DNER: variants seen among roughly 807,000 people sequenced by gnomAD.
DNER encodes the protein delta/notch like EGF repeat containing.
A neutral mutation model predicts 78.2 loss-of-function variants in DNER; 33 were observed. The ratio of observed to expected loss-of-function variants is 0.42; its 90% confidence interval spans 0.32 to 0.56. The LOEUF (loss-of-function observed/expected upper bound fraction) is 0.56, where lower values mean the gene tolerates loss of function less well. Ranked by LOEUF, DNER falls within the 20% of genes least tolerant of loss-of-function variation. DNER has a pLI of 0.11. For missense variants in DNER, 918 were observed against 975.3 expected, an observed-to-expected ratio of 0.94 and a Z score of 0.78; for synonymous variants, 417 against 384.8, an observed-to-expected ratio of 1.08 and a Z score of -0.98.
At chr2:229,377,103 A>C (rs946448936) in intron 11 of DNER, among the ~76,000 whole-genome samples, 1 of 152,174 alleles carries the variant, frequency 6.6e-6, no homozygotes, top group East Asian at 1.9e-4. Context: ...ACCTGCCCTC[A>C]GATTACAAGC....
intron 5 of DNER, among the ~76,000 whole-genome samples, chr2:229,544,105 CTCT>C (rs1304168530): frequency 6.6e-6 from 1 of 152,126 alleles, no homozygotes; most frequent in East Asian, 1.9e-4. Flanking sequence ...CCTTAGCCTC[CTCT>C]TCTTTTCTCC....
At chr2:229,526,021 AG>A (rs1449701146) in intron 5 of DNER, among the ~76,000 whole-genome samples, 1 of 152,222 alleles carries the variant, frequency 6.6e-6, no homozygotes, top group African/African-American at 2.4e-5. Flanking sequence ...ATTGAACAAA[AG>A]GCAGGTTAGA....
At chr2:229,477,338 G>C in intron 6 of DNER, 85 bp from the exon 7 acceptor site, 1 of 922,002 alleles carries the variant, frequency 1.1e-6, no homozygotes, top group Non-Finnish European at 1.6e-6. Context: ...GATTCAACTG[G>C]TACCTGCCCA....
At chr2:229,577,538 G>A (rs924355967) in intron 4 of DNER, among the ~76,000 whole-genome samples, 12 of 152,300 alleles carry the variant, frequency 7.9e-5, no homozygotes, top group African/African-American at 2.6e-4. Flanking sequence ...AGGAGGCTGA[G>A]GCAGGAGAAT....
intron 11 of DNER, among the ~76,000 whole-genome samples, chr2:229,379,585 CTCCTA>C (rs1692689123): frequency 6.6e-6 from 1 of 152,076 alleles, no homozygotes; most frequent in Non-Finnish European, 1.5e-5. Flanking sequence ...CATCTATACT[CTCCTA>C]TATATTTATC....
chr2:229,404,009 G>T (rs993335471), intron 10 of DNER, among the ~76,000 whole-genome samples: 5 of 152,108 alleles, frequency 3.3e-5, no homozygotes, highest in Non-Finnish European at 7.4e-5. Flanking sequence ...CATGCATAAG[G>T]TCTCTGCAGT....
At chr2:229,545,637 G>T (rs1696613730) in intron 5 of DNER, among the ~76,000 whole-genome samples, 1 of 152,144 alleles carries the variant, frequency 6.6e-6, no homozygotes, top group Admixed American at 6.5e-5. Flanking sequence ...GACTGCTGTG[G>T]TCCTTTGTTC....
intron 6 of DNER, among the ~76,000 whole-genome samples, chr2:229,508,049 T>C (rs1231815858): frequency 6.6e-6 from 1 of 152,072 alleles, no homozygotes; most frequent in African/African-American, 2.4e-5. Flanking sequence ...ACACAGATAA[T>C]GGCACATAAA....
chr2:229,661,217 C>T (rs1225575448), intron 1 of DNER, among the ~76,000 whole-genome samples: 3 of 151,862 alleles, frequency 2.0e-5, no homozygotes, highest in Non-Finnish European at 4.4e-5. Context: ...AGTAGTAATC[C>T]ATAATTGTGT....
chr2:229,553,971 A>C (rs1031698102), intron 4 of DNER, among the ~76,000 whole-genome samples: 1 of 152,204 alleles, frequency 6.6e-6, no homozygotes, highest in Non-Finnish European at 1.5e-5. Context: ...ACATTCCTGC[A>C]TTACTCATAA....
rs779094906 is a variant in DNER, at chr2:229,388,273, CA to C, written c.1846del (p.Cys616ValfsTer39). ...HCPHGWVGANCEIHLQWKSGH... is the reference protein window; with the variant it reads ...HCPHGWVGANXEIHLQWKSGH... ...GCTGCAGAAATACTTACGGATCTCA[CA>C]GTTTGCTCCCACCCAACCATGCGGG... is the stretch of plus-strand genomic sequence containing the variant. On this transcript the variant is annotated frameshift_variant, in exon 11 of 13. Transcript: ENST00000341772. LOFTEE classifies it high-confidence loss of function. The C allele has an allele frequency of 6.2e-7, 1 of 1,607,040 alleles. No individual in the cohort carries two copies. The highest frequency in any genetic ancestry group is 8.5e-7 in the Non-Finnish European group (1 of 1,176,472).
intron 5 of DNER, among the ~76,000 whole-genome samples, chr2:229,529,197 T>TA (rs1448919728): frequency 6.9e-6 from 1 of 145,176 alleles, no homozygotes; most frequent in African/African-American, 2.5e-5. Flanking sequence ...ACATAATATC[T>TA]TTTTTTTTTT....
At chr2:229,582,656 T>C (rs375477380) in intron 4 of DNER, among the ~76,000 whole-genome samples, 46 of 152,306 alleles carry the variant, frequency 3.0e-4, no homozygotes, top group African/African-American at 6.3e-4. Flanking sequence ...AAGTTCTTTT[T>C]TGAGTTGGAG....
chr2:229,459,150 T>C (rs978589432), intron 7 of DNER, among the ~76,000 whole-genome samples: 3 of 152,076 alleles, frequency 2.0e-5, no homozygotes, highest in African/African-American at 4.8e-5. Flanking sequence ...CGTTGATGGG[T>C]TGGAAGTCTC....
intron 1 of DNER, among the ~76,000 whole-genome samples, chr2:229,676,973 C>T (rs1293708591): frequency 2.0e-5 from 3 of 152,138 alleles, no homozygotes; most frequent in Non-Finnish European, 4.4e-5. Context: ...TACAAAACCT[C>T]GATGCCGGCT....
At chr2:229,367,847 C>T (rs1227471851) in intron 11 of DNER, among the ~76,000 whole-genome samples, 3 of 152,150 alleles carry the variant, frequency 2.0e-5, no homozygotes, top group Non-Finnish European at 4.4e-5. Flanking sequence ...CAGATATTCC[C>T]ATTTTAGGAT....
chr2:229,714,260 T>G lies in DNER; in HGVS notation c.164A>C (p.Asn55Thr). ...AGGGCGCGAGGTGCACACACCCCCA[T>G]TCCGGCAGGGCTGCGCGGCGCACGG... is the stretch of plus-strand genomic sequence containing the variant. ...PGPCAAQPCR[N>T]GGVCTSRPEP... The change falls in exon 1 of 13, where the codon AAT becomes ACT. Residue 55 changes from asparagine (N) to threonine (T), a missense_variant. By Grantham distance (65) the Asn-to-Thr change is moderately conservative. Coordinates refer to ENST00000341772, the MANE Select transcript of DNER (RefSeq NM_139072.4). 1.4e-6 allele frequency: 2 copies of G among 1,405,744 alleles called. No homozygotes were observed. The highest frequency in any genetic ancestry group is 1.8e-6 in the Non-Finnish European group (2 of 1,081,102). 87.1% of individuals were successfully genotyped at this position (1,405,744 alleles called of 1,614,324 possible).
chr2:229,566,492 G>T (rs1208769366), intron 4 of DNER, among the ~76,000 whole-genome samples: 1 of 152,102 alleles, frequency 6.6e-6, no homozygotes, highest in East Asian at 1.9e-4. Context: ...TTTGAGAGAA[G>T]AAAAACTGTA....
chr2:229,517,060 G>A (rs184904585), intron 5 of DNER, among the ~76,000 whole-genome samples: 60 of 141,392 alleles, frequency 4.2e-4, no homozygotes, highest in African/African-American at 1.5e-3. Flanking sequence ...GCAGTGAGCC[G>A]AGATCGCGCC....
Sources: gnomAD v4.1 joint callset for allele counts (sites outside exome capture counted in the v4.1 genomes callset) on GRCh38, gnomAD v4.1.1 for gene constraint, MANE v1.5 for transcripts, NCBI Gene and HGNC (gene_info 2026-07-23, HGNC 2026-07-21) for gene names.